Variants in MZF1 observed in about 807,000 individuals in gnomAD.
MZF1 encodes zinc finger and SCAN domain-containing protein 6.
Under a neutral mutation model 28.6 loss-of-function variants are expected in MZF1, and 24 were observed. The observed-to-expected ratio is 0.84, with a 90% CI of 0.61 to 1.18. The LOEUF is 1.18. MZF1 is among the 50% of genes most tolerant of loss of function. The pLI, the probability that MZF1 is intolerant of heterozygous loss-of-function variation, is 0.00. For synonymous variants in MZF1, 516 were observed against 432.5 expected, an observed-to-expected ratio of 1.19 and a Z score of -2.40; for missense variants, 1,166 against 1,026.4, an observed-to-expected ratio of 1.14 and a Z score of -1.86.
intron 5 of MZF1, chr19:58,563,822 C>T (rs2053986746): frequency 4.1e-6 from 1 of 244,484 alleles, no homozygotes; most frequent in Non-Finnish European, 7.8e-6. Flanking sequence ...ATGATGGTCT[C>T]AGCAAATGCA....
At position 58,565,384 on chromosome 19, in the gene MZF1, G is replaced by A. The variant is rs182421668; in HGVS notation, c.773-1880C>T. On this transcript the variant is annotated intron_variant, in intron 5 of 5. Transcript: ENST00000215057. ...GCTGGGATTGCAGGCGTGAGCCACC[G>A]CACCTAGCCAATTTTTTGTATTTTT... 9.2e-4 allele frequency among the ~76,000 whole-genome samples: 135 copies of A among 146,288 alleles called. 5 individuals carry two copies. The East Asian group carries it at 0.019, about 21-fold the overall frequency.
At chr19:58,570,313 C>G (rs370170659) in intron 3 of MZF1, 31 bp downstream of exon 3, 1 of 1,574,610 alleles carries the variant, frequency 6.4e-7, no homozygotes, top group African/African-American at 1.4e-5. Context: ...CCCAACCAGA[C>G]CTTAGGCGCG....
intron 5 of MZF1, among the ~76,000 whole-genome samples, chr19:58,566,010 C>T (rs915191219): frequency 1.3e-5 from 2 of 150,556 alleles, no homozygotes; most frequent in Non-Finnish European, 3.0e-5. Context: ...GCGTGGTGGC[C>T]GGCGCCTGTA....
Position 58,562,446 on chromosome 19 carries a change from T to C in MZF1, c.1831A>G (p.Lys611Glu). Reference protein sequence around the residue: ...ECGQRFSQRLKLTRHQRTHTG... With the variant: ...ECGQRFSQRLELTRHQRTHTG... ...TGTGTCCTCTGATGACGCGTGAGCT[T>C]GAGGCGCTGGCTGAAGCGCTGGCCA... Residue 611 changes from lysine (K) to glutamate (E), a missense_variant, in exon 6 of 6, where the codon AAG becomes GAG. Coordinates refer to ENST00000215057, the MANE Select transcript of MZF1 (RefSeq NM_198055.2). The C allele has an allele frequency of 1.9e-6, 3 of 1,611,458 alleles. No homozygotes were observed. The highest frequency in any genetic ancestry group is 1.7e-6 in the Non-Finnish European group (2 of 1,179,350).
rs1396411352 is a variant in MZF1, at chr19:58,562,123, G to C, written c.2154C>G (p.Phe718Leu). ...GCTGAATGAGCTTGGTGCTCTGGTG[G>C]AAGCGGCGGCCACAGTCCTGGCAGG... Reference protein sequence around the residue: ...PFACQDCGRRFHQSTKLIQHQ... With the variant: ...PFACQDCGRRLHQSTKLIQHQ... Residue 718 changes from phenylalanine to leucine, a missense_variant, in exon 6 of 6, where the codon TTC (phenylalanine) becomes TTG (leucine). Coordinates refer to ENST00000215057, the MANE Select transcript of MZF1 (RefSeq NM_198055.2). The C allele has an allele frequency of 6.3e-7, 1 of 1,593,022 alleles. No individual in the cohort carries two copies. The highest frequency in any genetic ancestry group is 8.5e-7 in the Non-Finnish European group (1 of 1,171,510).
At chr19:58,569,646 A>C in intron 3 of MZF1, 60 bp from the exon 4 acceptor site, 1 of 1,407,254 alleles carries the variant, frequency 7.1e-7, no homozygotes, top group South Asian at 1.3e-5. Flanking sequence ...TGCCCTTCTT[A>C]GTGGTGTGCC....
intron 5 of MZF1, among the ~76,000 whole-genome samples, chr19:58,567,313 T>C (rs1404113429): frequency 3.9e-5 from 6 of 152,208 alleles, no homozygotes; most frequent in Non-Finnish European, 7.3e-5. Flanking sequence ...CAGAAGCAGA[T>C]GCTGGGCAGG....
At position 58,562,273 on chromosome 19, in the gene MZF1, G is replaced by T. The variant is rs1420231654; in HGVS notation, c.2004C>A (p.Leu668=). 5.6e-6 allele frequency: 9 copies of T among 1,601,994 alleles called. No homozygotes were observed. The highest frequency in any genetic ancestry group is 7.7e-6 in the Non-Finnish European group (9 of 1,175,786). Residue 668 remains leucine, a synonymous_variant, in exon 6 of 6, where the codon CTC becomes CTA. Transcript: ENST00000215057. ...CGQSFRQHAN[L]TQHRRIHTGE... ...CCGTGTGGATGCGCCGGTGCTGGGT[G>T]AGGTTGGCGTGCTGCCGAAAGCTCT...
rs1355699361 is a variant in MZF1, at chr19:58,570,527, C to A, written c.397G>T (p.Val133Phe). The change falls in exon 3 of 6, where the codon GTC (valine) becomes TTC (phenylalanine). Residue 133 changes from valine to phenylalanine, a missense_variant and splice_region_variant. Val to Phe is a conservative substitution (Grantham distance 50). Coordinates refer to ENST00000215057, the MANE Select transcript of MZF1 (RefSeq NM_198055.2). The stretch of plus-strand genomic sequence containing the variant: ...TCCTGGCCCTGCACCTGGACTGTGA[C>A]CTGGGGAGGTGCCCCCACCATCAGA... Reference protein sequence around the residue: ...RREPGGPRRWVTVQVQGQEVL... With the variant: ...RREPGGPRRWFTVQVQGQEVL... The A allele has an allele frequency of 6.2e-7, 1 of 1,610,890 alleles. No homozygotes were observed. Among genetic ancestry groups the A allele is most frequent in the Non-Finnish European group, 8.5e-7 (1 of 1,178,434 alleles).
intron 5 of MZF1, among the ~76,000 whole-genome samples, chr19:58,567,026 C>T (rs2054071365): frequency 6.6e-6 from 1 of 152,050 alleles, no homozygotes; most frequent in Admixed American, 6.6e-5. Flanking sequence ...CCTCAGCCTC[C>T]CAAGTAGCTG....
chr19:58,568,323 A>T (rs1383767571), intron 5 of MZF1: 1 of 152,186 alleles, frequency 6.6e-6, no homozygotes, highest in Non-Finnish European at 1.5e-5. Context: ...TTTCCAGGAA[A>T]ATAGAGTAGA....
intron 5 of MZF1, among the ~76,000 whole-genome samples, chr19:58,566,023 C>A (rs899677488): frequency 4.6e-5 from 7 of 151,458 alleles, no homozygotes; most frequent in African/African-American, 9.7e-5. Context: ...CGCCTGTAGT[C>A]CCAGCTACTC....
At chr19:58,567,128 G>A (rs145681810) in intron 5 of MZF1, among the ~76,000 whole-genome samples, 9 of 152,140 alleles carry the variant, frequency 5.9e-5, no homozygotes, top group African/African-American at 1.9e-4. Context: ...GGATGGTCTC[G>A]AACTCTTGGA....
chr19:58,570,311 G>C, intron 3 of MZF1, 33 bp downstream of exon 3: 1 of 1,566,504 alleles, frequency 6.4e-7, no homozygotes, highest in African/African-American at 1.4e-5. Context: ...CACCCAACCA[G>C]ACCTTAGGCG....
rs1446276912 is a variant in MZF1, at chr19:58,571,112, AG to A, written c.277del (p.Leu93TrpfsTer26). The part of the protein sequence containing the change: ...MLELLVLEQF[L>X]GALPPEIQAR... ...CTGGATCTCAGGGGGCAGTGCGCCC[AG>A]GAACTGCTCCAGCACCAACAGCTCC... On this transcript the variant is annotated frameshift_variant, in exon 2 of 6. Transcript: ENST00000215057. LOFTEE classifies it high-confidence loss of function. 3.7e-6 allele frequency: 6 copies of A among 1,613,898 alleles called. No individual in the cohort carries two copies. Among genetic ancestry groups the A allele is most frequent in the Middle Eastern group, 1.6e-4 (1 of 6,082 alleles).
chr19:58,567,545 G>A (rs1237585974), intron 5 of MZF1, among the ~76,000 whole-genome samples: 1 of 152,238 alleles, frequency 6.6e-6, no homozygotes, highest in African/African-American at 2.4e-5. Context: ...CCTTCTTGCA[G>A]GATTCAGACG....
Position 58,563,388 on chromosome 19 carries a change from G to T in MZF1, c.889C>A (p.Arg297Ser). Residue 297 changes from arginine (R) to serine (S), a missense_variant, in exon 6 of 6, where the codon CGC becomes AGC. Transcript: ENST00000215057. The stretch of plus-strand genomic sequence containing the variant: ...AGCGCATGCGCAAAGCCACCTTCGC[G>T]GGAGGGTGATTGGATCTGGCCAGAA... ...GLSGQIQSPS[R>S]EGGFAHALLL... is the part of the protein sequence containing the mutation. The T allele has an allele frequency of 1.2e-6, 2 of 1,602,318 alleles. No individual in the cohort carries two copies. Among genetic ancestry groups the T allele is most frequent in the Non-Finnish European group, 8.5e-7 (1 of 1,174,580 alleles).
rs773152561 is a variant in MZF1 at position 58,562,665 on chromosome 19, C to G, written c.1612G>C (p.Glu538Gln). The G allele has an allele frequency of 1.3e-6, 2 of 1,543,038 alleles. No individual in the cohort carries two copies. Among genetic ancestry groups the G allele is most frequent in the Non-Finnish European group, 1.7e-6 (2 of 1,150,384 alleles). Residue 538 changes from glutamate to glutamine, a missense_variant, in exon 6 of 6, where the codon GAG becomes CAG. Physicochemically the swap from Glu to Gln is conservative, Grantham distance 29 (BLOSUM62 2). Transcript: ENST00000215057. ...LLQHRRVHSGERPFACAECGQ... is the reference protein window; with the variant it reads ...LLQHRRVHSGQRPFACAECGQ... ...CACTCGGCACAGGCGAAGGGCCGCT[C>G]GCCACTGTGCACGCGCCGGTGCTGC...
chr19:58,564,546 C>T (rs2054001803), intron 5 of MZF1: 2 of 152,206 alleles, frequency 1.3e-5, no homozygotes, highest in Non-Finnish European at 2.9e-5. Flanking sequence ...GAAAAATGCA[C>T]CTTAGGGCTG....
Sources: allele counts gnomAD v4.1 joint callset (sites outside exome capture counted in the v4.1 genomes callset), GRCh38; gene constraint gnomAD v4.1.1; transcripts MANE v1.5; gene names NCBI Gene and HGNC (gene_info 2026-07-23, HGNC 2026-07-21).